The following FHIT variants were observed in gnomAD, a reference collection of about 807,000 sequenced individuals.
FHIT encodes bis(5'-adenosyl)-triphosphatase.
FHIT carries 19 observed loss-of-function variants against 17.9 expected under a neutral mutation model. The observed-to-expected ratio is 1.06, with a 90% CI of 0.74 to 1.56. The LOEUF is 1.56. FHIT is among the 40% of genes most tolerant of loss of function. The pLI, the probability that FHIT is intolerant of heterozygous loss-of-function variation, is 0.00. For synonymous variants in FHIT, 81 were observed against 69.7 expected, an observed-to-expected ratio of 1.16 and a Z score of -0.81; for missense variants, 248 against 189.2, an observed-to-expected ratio of 1.31 and a Z score of -1.82.
chr3:60,540,091 C>G (rs181900414), intron 4 of FHIT, among the ~76,000 whole-genome samples: 35 of 152,112 alleles, frequency 2.3e-4, no homozygotes, highest in African/African-American at 7.2e-4. Context: ...CACCAATGGT[C>G]AACAGTTTAA....
intron 5 of FHIT, among the ~76,000 whole-genome samples, chr3:60,187,054 T>A (rs1417027490): frequency 1.3e-5 from 2 of 152,174 alleles, no homozygotes; most frequent in Non-Finnish European, 2.9e-5. Context: ...TTACTTAAAA[T>A]ATGCAAACCA....
rs534056985 is a variant in FHIT at position 60,832,132 on chromosome 3, A to AT, written c.-110-10122dup. ...ATTATGTGCTGGGCACCATCTAAAC[A>AT]TTTTTTTCCCCACATTAAAGTATGC... On this transcript the variant is annotated intron_variant, in intron 3 of 9. Transcript: ENST00000492590. 7.9e-5 allele frequency among the ~76,000 whole-genome samples: 12 copies of AT among 151,778 alleles called. No homozygotes were observed. The East Asian group carries it at 1.4e-3, about 17-fold the overall frequency.
intron 5 of FHIT, among the ~76,000 whole-genome samples, chr3:60,501,741 C>G (rs1302805255): frequency 1.3e-5 from 2 of 152,172 alleles, no homozygotes; most frequent in African/African-American, 4.8e-5. Context: ...TTAAGAAATA[C>G]CAAGTAGCTA....
chr3:60,878,253 T>G (rs1704764098), intron 3 of FHIT, among the ~76,000 whole-genome samples: 1 of 151,984 alleles, frequency 6.6e-6, no homozygotes, highest in Non-Finnish European at 1.5e-5. Context: ...AGTGAACCTG[T>G]ACCCCAGGAC....
chr3:60,076,465 T>G (rs2107009701), intron 5 of FHIT, among the ~76,000 whole-genome samples: 1 of 150,582 alleles, frequency 6.6e-6, no homozygotes, highest in Admixed American at 6.6e-5. Flanking sequence ...TGAAAGTGTT[T>G]TATACAAGCC....
At chr3:60,979,573 G>A (rs552213873) in intron 3 of FHIT, among the ~76,000 whole-genome samples, 7 of 152,256 alleles carry the variant, frequency 4.6e-5, no homozygotes, top group East Asian at 3.9e-4. Flanking sequence ...GGCTGGCAGC[G>A]GATGGGTGTT....
intron 5 of FHIT, among the ~76,000 whole-genome samples, chr3:60,510,715 TC>T (rs1328314379): frequency 1.3e-5 from 2 of 151,076 alleles, no homozygotes; most frequent in Non-Finnish European, 3.0e-5. Flanking sequence ...CTCCCCCACC[TC>T]CCCCCACACA....
At chr3:61,159,193 A>G (rs563383692) in intron 2 of FHIT, among the ~76,000 whole-genome samples, 1 of 152,330 alleles carries the variant, frequency 6.6e-6, no homozygotes, top group African/African-American at 2.4e-5. Context: ...TTTGAGATCA[A>G]TAGGACTAAC....
chr3:61,200,049 C>G (rs971792113), intron 2 of FHIT, among the ~76,000 whole-genome samples: 1 of 152,142 alleles, frequency 6.6e-6, no homozygotes, highest in Non-Finnish European at 1.5e-5. Flanking sequence ...CGAGTAGGTA[C>G]TTTTCCCATT....
At chr3:61,048,527 G>C (rs2033901658) in intron 2 of FHIT, among the ~76,000 whole-genome samples, 1 of 152,324 alleles carries the variant, frequency 6.6e-6, no homozygotes, top group East Asian at 1.9e-4. Flanking sequence ...TACACTGCTG[G>C]TGGGACTGTA....
chr3:60,126,829 T>C (rs938034101), intron 5 of FHIT, among the ~76,000 whole-genome samples: 1 of 152,126 alleles, frequency 6.6e-6, no homozygotes, highest in Non-Finnish European at 1.5e-5. Flanking sequence ...AGTGTGAAAA[T>C]TCAGGAGACC....
rs188362814 is a variant in FHIT, at chr3:61,079,384, A to G, written c.-163-37285T>C. ...TCTGGCTTTTTGCAAGCAGATTTAA[A>G]AAATTTGGATACCAGTCTGTTTACC... On this transcript the variant is annotated intron_variant, in intron 2 of 9. Transcript: ENST00000492590. 5.9e-3 allele frequency among the ~76,000 whole-genome samples: 898 copies of G among 152,260 alleles called. 6 individuals carry two copies. Among genetic ancestry groups the G allele is most frequent in the Middle Eastern group, 0.014 (4 of 294 alleles).
At chr3:60,570,281 A>T (rs2037329043) in intron 4 of FHIT, among the ~76,000 whole-genome samples, 1 of 152,194 alleles carries the variant, frequency 6.6e-6, no homozygotes, top group South Asian at 2.1e-4. Flanking sequence ...TGGTGAGAAT[A>T]ATCATACTGA....
intron 8 of FHIT, among the ~76,000 whole-genome samples, chr3:59,854,704 T>C (rs1016127853): frequency 6.6e-6 from 1 of 152,158 alleles, no homozygotes; most frequent in Non-Finnish European, 1.5e-5. Context: ...AAGCTGGTAA[T>C]TGGTAGATCT....
At position 60,622,529 on chromosome 3, in the gene FHIT, T is replaced by A. The variant is rs1184148098; in HGVS notation, c.-17-85550A>T. ...ATCCACAGGGACTATAACAAAACAA[T>A]CAGAACTCAAAGGGAAAAGGAGCTT... is the stretch of plus-strand genomic sequence containing the variant. On this transcript the variant is annotated intron_variant, in intron 4 of 9. Coordinates refer to ENST00000492590, the MANE Select transcript of FHIT (RefSeq NM_002012.4). 2.6e-5 allele frequency among the ~76,000 whole-genome samples: 4 copies of A among 152,064 alleles called. No individual in the cohort carries two copies. In the East Asian group the frequency reaches 7.7e-4, roughly 29 times the overall value.
chr3:60,581,594 A>G (rs782754835), intron 4 of FHIT, among the ~76,000 whole-genome samples: 2 of 152,176 alleles, frequency 1.3e-5, no homozygotes, highest in Non-Finnish European at 2.9e-5. Flanking sequence ...CATATCTATA[A>G]TGAACTAAAC....
Position 60,104,358 on chromosome 3 carries a change from G to C in FHIT, c.104-90206C>G, listed in dbSNP as rs187578352. Among the ~76,000 whole-genome samples the C allele has an allele frequency of 6.4e-4, 97 of 152,170 alleles. 1 individual carries two copies. The Middle Eastern group carries it at 0.014, about 22-fold the overall frequency. On this transcript the variant is annotated intron_variant, in intron 5 of 9. Transcript: ENST00000492590. ...GTTCAATGTGTGCATTCAGTGCTTT[G>C]ATTGTAATTATCTTTGAAATGACCC...
rs1391177005 is a variant in FHIT, at chr3:60,414,950, AC to A, written c.103+121909del. On this transcript the variant is annotated intron_variant, in intron 5 of 9. Transcript: ENST00000492590. ...AATTTTGATAGTTTCGTAGCTCTCA[AC>A]TTTAGTCTTCCCCCAAATCATTTGG... 1.1e-4 allele frequency among the ~76,000 whole-genome samples: 16 copies of A among 152,332 alleles called. No homozygotes were observed. The Middle Eastern group carries it at 0.01, about 97-fold the overall frequency.
At chr3:60,836,926 T>G (rs1452409230) in intron 3 of FHIT, among the ~76,000 whole-genome samples, 1 of 152,184 alleles carries the variant, frequency 6.6e-6, no homozygotes, top group Non-Finnish European at 1.5e-5. Context: ...TGGGAATATC[T>G]TTACTTCCCC....
Sources: gnomAD v4.1 joint callset for allele counts (sites outside exome capture counted in the v4.1 genomes callset) on GRCh38, gnomAD v4.1.1 for gene constraint, MANE v1.5 for transcripts, NCBI Gene and HGNC (gene_info 2026-07-23, HGNC 2026-07-21) for gene names.